GLRX5: variants seen among roughly 807,000 people sequenced by gnomAD.
GLRX5 encodes glutaredoxin 5, also known as glutaredoxin-related protein 5, mitochondrial.
In GLRX5, 10 loss-of-function variants were observed where a neutral mutation model predicts 13.8. The observed-to-expected ratio is 0.72, with a 90% CI of 0.45 to 1.23. The LOEUF is 1.23. Among genes scored for constraint, GLRX5 ranks in the 50% most tolerant of loss-of-function variants. GLRX5 has a pLI of 0.00. For synonymous variants in GLRX5, 98 were observed against 101.1 expected (o/e 0.97, Z 0.18); for missense variants, 233 against 215.2 (o/e 1.08, Z -0.52).
In GLRX5 at chr14:95,535,222, T is replaced by C. The variant is rs990377177; in HGVS notation, c.133T>C (p.Leu45=). Reference sequence around the variant, plus strand: ...GGGCGGCGGCGGCTCGGCGGAGCAGTTGGACGCGCTGGTGAAGAAGGACAA... The same window carrying C: ...GGGCGGCGGCGGCTCGGCGGAGCAGCTGGACGCGCTGGTGAAGAAGGACAA... ...GAGGGGSAEQ[L]DALVKKDKVV... Residue 45 remains leucine (L), a synonymous_variant, in exon 1 of 2, where the codon TTG becomes CTG. Transcript: ENST00000331334. 7 of 1,550,184 alleles carry C rather than the reference T, an allele frequency of 4.5e-6. No homozygotes were observed. The highest frequency in any genetic ancestry group is 6.1e-6 in the Non-Finnish European group (7 of 1,149,964).
Position 95,544,490 on chromosome 14 carries a change from C to G in GLRX5, c.*365C>G, listed in dbSNP as rs1004560489. 3 of 212,290 alleles carry G rather than the reference C, an allele frequency of 1.4e-5. No homozygotes were observed. The highest frequency in any genetic ancestry group is 2.9e-5 in the Non-Finnish European group (3 of 104,116). 13.2% of individuals were successfully genotyped at this position (212,290 alleles called of 1,614,324 possible). On this transcript the variant is annotated 3_prime_UTR_variant, in exon 2 of 2. Transcript: ENST00000331334. Reference sequence around the variant, plus strand: ...CAGTCTCCAAAGAGAGTATCTCCCCCCAAATTTTGTGTAGCTTCTTTTGTT... The same window carrying G: ...CAGTCTCCAAAGAGAGTATCTCCCCGCAAATTTTGTGTAGCTTCTTTTGTT...
intron 1 of GLRX5, among the ~76,000 whole-genome samples, chr14:95,539,992 C>T (rs368462773): frequency 9.2e-5 from 14 of 151,894 alleles, no homozygotes; most frequent in East Asian, 3.9e-4. Flanking sequence ...CGGGTTCAAG[C>T]GATTCTCCTG....
rs1245094550 is a variant in GLRX5 at position 95,543,675 on chromosome 14, A to AAC, written c.296-271_296-270insCA. The AAC allele has an allele frequency of 8.3e-5, 39 of 469,140 alleles. No individual in the cohort carries two copies. The Admixed American group carries it at 1.5e-3, about 17-fold the overall frequency. The allele number at this position is 469,140 out of a possible 1,614,324, so 29.1% of individuals were successfully genotyped here. A position where few individuals can be genotyped will look rare whatever the true frequency, so the allele number is the denominator to read the frequency against. ...GCTTACCTAATTCTCACAAAAAAAA[A>AAC]AACCTTGGGAGATGAGGGTGGAAAC... On this transcript the variant is annotated intron_variant, in intron 1 of 1. Transcript: ENST00000331334.
Position 95,535,096 on chromosome 14 carries a change from G to C in GLRX5, c.7G>C (p.Gly3Arg). Reference sequence around the variant, plus strand: ...CTCCGGCTTGCGTGCGGAGATGAGCGGGTCCCTCGGCCGAGCTGCGGCGGC... The same window carrying C: ...CTCCGGCTTGCGTGCGGAGATGAGCCGGTCCCTCGGCCGAGCTGCGGCGGC... Reference protein sequence around the residue: MSGSLGRAAAALL... With the variant: MSRSLGRAAAALL... Residue 3 changes from glycine to arginine, a missense_variant, in exon 1 of 2, where the codon GGG becomes CGG. Gly to Arg is a moderately radical substitution (Grantham distance 125). Transcript: ENST00000331334. The C allele has an allele frequency of 1.5e-6, 2 of 1,325,820 alleles. No homozygotes were observed. The highest frequency in any genetic ancestry group is 2.0e-6 in the Non-Finnish European group (2 of 1,025,172). The allele number at this position is 1,325,820 out of a possible 1,614,324, so 82.1% of individuals were successfully genotyped here. A position where few individuals can be genotyped will look rare whatever the true frequency, so the allele number is the denominator to read the frequency against.
chr14:95,544,658 T>C lies in GLRX5; in HGVS notation c.*533T>C, dbSNP rs1451268413. On this transcript the variant is annotated 3_prime_UTR_variant, in exon 2 of 2. Transcript: ENST00000331334. Reference sequence around the variant, plus strand: ...AAGGATTTGGAGTGCCTGCAGTGTTTTATGTGTGGGAAGTAAGGGTGAGTC... The same window carrying C: ...AAGGATTTGGAGTGCCTGCAGTGTTCTATGTGTGGGAAGTAAGGGTGAGTC... 1.3e-5 allele frequency: 2 copies of C among 158,190 alleles called. No individual in the cohort carries two copies. The highest frequency in any genetic ancestry group is 4.8e-5 in the African/African-American group (2 of 41,478). The allele number at this position is 158,190 out of a possible 1,614,324, so 9.8% of individuals were successfully genotyped here.
At chr14:95,542,098 G>A (rs1444141905) in intron 1 of GLRX5, among the ~76,000 whole-genome samples, 6 of 152,012 alleles carry the variant, frequency 3.9e-5, no homozygotes, top group South Asian at 2.1e-4. Flanking sequence ...TTTTGTAATC[G>A]GCATCATTGT....
intron 1 of GLRX5, among the ~76,000 whole-genome samples, chr14:95,540,334 A>G (rs1442754460): frequency 1.3e-5 from 2 of 152,186 alleles, no homozygotes; most frequent in Non-Finnish European, 2.9e-5. Flanking sequence ...GAATGTCCAC[A>G]CTGTACCTGG....
intron 1 of GLRX5, among the ~76,000 whole-genome samples, chr14:95,535,861 G>C (rs756327799): frequency 6.6e-6 from 1 of 152,142 alleles, no homozygotes; most frequent in Non-Finnish European, 1.5e-5. Flanking sequence ...GGTGGGGAGA[G>C]GGCTGAGGTT....
Position 95,535,051 on chromosome 14 carries a change from T to G in GLRX5, c.-39T>G. 7.7e-7 allele frequency: 1 copy of G among 1,304,182 alleles called. No individual in the cohort carries two copies. The highest frequency in any genetic ancestry group is 9.8e-7 in the Non-Finnish European group (1 of 1,016,884). 80.8% of individuals were successfully genotyped at this position (1,304,182 alleles called of 1,614,324 possible). ...GGGGAGCGCTCTGGGTGGCCAGCTG[T>G]GGGCCCGGGCCGTCGTGGGCTCCGG... On this transcript the variant is annotated 5_prime_UTR_variant, in exon 1 of 2. Coordinates refer to ENST00000331334, the MANE Select transcript of GLRX5 (RefSeq NM_016417.3).
chr14:95,539,693 C>A (rs1367538443), intron 1 of GLRX5, among the ~76,000 whole-genome samples: 1 of 152,078 alleles, frequency 6.6e-6, no homozygotes, highest in East Asian at 1.9e-4. Context: ...GGATATAAAT[C>A]CTGGTTTCAC....
intron 1 of GLRX5, chr14:95,543,661 T>A: frequency 5.7e-6 from 2 of 348,162 alleles, no homozygotes; most frequent in South Asian, 5.3e-5. Context: ...CTTACCTAAT[T>A]CTCACAAAAA....
chr14:95,539,124 G>A (rs1321466155), intron 1 of GLRX5, among the ~76,000 whole-genome samples: 3 of 152,222 alleles, frequency 2.0e-5, no homozygotes, highest in Non-Finnish European at 2.9e-5. Context: ...TAGGTTGTGC[G>A]TTCCTTACGA....
At chr14:95,539,876 A>T (rs1037172225) in intron 1 of GLRX5, among the ~76,000 whole-genome samples, 2 of 138,650 alleles carry the variant, frequency 1.4e-5, no homozygotes, top group Non-Finnish European at 3.1e-5. Context: ...CCTTAACTCA[A>T]TAAATGGTAT....
At chr14:95,540,501 G>T (rs1891456603) in intron 1 of GLRX5, among the ~76,000 whole-genome samples, 1 of 152,204 alleles carries the variant, frequency 6.6e-6, no homozygotes, top group Non-Finnish European at 1.5e-5. Flanking sequence ...TAGCAAACCA[G>T]ATCTACTGAT....
At position 95,535,169 on chromosome 14, in the gene GLRX5, C is replaced by T. The variant is rs1255485715; in HGVS notation, c.80C>T (p.Pro27Leu). 2.1e-6 allele frequency: 3 copies of T among 1,451,016 alleles called. No homozygotes were observed. The highest frequency in any genetic ancestry group is 2.4e-5 in the Admixed American group (1 of 40,932). The allele number at this position is 1,451,016 out of a possible 1,614,324, so 89.9% of individuals were successfully genotyped here. ...GCGGGCGGCGGTGGCCTTTGGGGTC[C>T]GGGCGTGCGGGCGGCGGGCTCGGGC... Reference protein sequence around the residue: ...RGAGGGGLWGPGVRAAGSGAG... With the variant: ...RGAGGGGLWGLGVRAAGSGAG... Residue 27 changes from proline to leucine, a missense_variant, in exon 1 of 2, where the codon CCG (proline) becomes CTG (leucine). Coordinates refer to ENST00000331334, the MANE Select transcript of GLRX5 (RefSeq NM_016417.3).
chr14:95,536,733 C>G (rs980103870), intron 1 of GLRX5, among the ~76,000 whole-genome samples: 6 of 152,192 alleles, frequency 3.9e-5, no homozygotes, highest in African/African-American at 1.4e-4. Context: ...CGTATTAGCA[C>G]TTGATGGTTT....
rs558029833 is a variant in GLRX5, at chr14:95,537,147, G to A, written c.295+1763G>A. 2.4e-3 allele frequency among the ~76,000 whole-genome samples: 372 copies of A among 152,292 alleles called. 2 individuals are homozygous for A. The highest frequency in any genetic ancestry group is 4.3e-3 in the Non-Finnish European group (292 of 68,030). On this transcript the variant is annotated intron_variant, in intron 1 of 1. Coordinates refer to ENST00000331334, the MANE Select transcript of GLRX5 (RefSeq NM_016417.3). ...GTGTTGTTATCTCGCTTAGTATCAT[G>A]TTTCGAGGGTCTTTGGTTTGTGAAT... is the stretch of plus-strand genomic sequence containing the variant.
At chr14:95,541,311 A>G (rs936716755) in intron 1 of GLRX5, among the ~76,000 whole-genome samples, 7 of 152,234 alleles carry the variant, frequency 4.6e-5, no homozygotes, top group Non-Finnish European at 8.8e-5. Flanking sequence ...TATGAAGAGT[A>G]GTCTTTTATT....
At chr14:95,543,713 C>G (rs1038437054) in intron 1 of GLRX5, 1 of 543,820 alleles carries the variant, frequency 1.8e-6, no homozygotes, top group Middle Eastern at 5.0e-4. Context: ...GATGAGAGGT[C>G]AGGTGACTTG....
Sources: gnomAD v4.1 joint callset for allele counts (sites outside exome capture counted in the v4.1 genomes callset) on GRCh38, gnomAD v4.1.1 for gene constraint, MANE v1.5 for transcripts, NCBI Gene and HGNC (gene_info 2026-07-23, HGNC 2026-07-21) for gene names.